TRAPPC11: variants seen among roughly 807,000 people sequenced by gnomAD.
TRAPPC11 encodes the protein foie gras homolog.
A neutral mutation model predicts 151.2 loss-of-function variants in TRAPPC11; 104 were observed. That is an observed-to-expected ratio of 0.69 (90% CI 0.59 to 0.81). The LOEUF (loss-of-function observed/expected upper bound fraction) is 0.81, where lower values mean the gene tolerates loss of function less well. TRAPPC11 is among the 30% of genes least tolerant of loss of function. TRAPPC11 has a pLI of 0.00. For synonymous variants in TRAPPC11, 456 were observed against 472.3 expected (o/e 0.97, Z 0.45); for missense variants, 1,230 against 1,349.6 (o/e 0.91, Z 1.39).
At chr4:183,698,015 C>T (rs1736631054) in intron 25 of TRAPPC11, among the ~76,000 whole-genome samples, 180 bp downstream of exon 25, 1 of 152,136 alleles carries the variant, frequency 6.6e-6, no homozygotes, top group Non-Finnish European at 1.5e-5. Flanking sequence ...TTTATAATAC[C>T]ATTTGCTTGA....
At chr4:183,696,034 C>T (rs565126805) in intron 23 of TRAPPC11, among the ~76,000 whole-genome samples, 1 of 152,234 alleles carries the variant, frequency 6.6e-6, no homozygotes, top group African/African-American at 2.4e-5. Context: ...CAAAACGTTC[C>T]AAAATCTTTT....
chr4:183,690,173 G>A (rs1034802066), intron 18 of TRAPPC11, among the ~76,000 whole-genome samples: 16 of 151,728 alleles, frequency 1.1e-4, no homozygotes, highest in African/African-American at 3.2e-4. Flanking sequence ...TCTAGTGGGC[G>A]ATGGAGTGAG....
intron 7 of TRAPPC11, among the ~76,000 whole-genome samples, chr4:183,676,038 G>A (rs910940660): frequency 2.0e-5 from 3 of 152,076 alleles, no homozygotes; most frequent in Admixed American, 1.3e-4. Flanking sequence ...ATTATTCACA[G>A]GAATATTGCA....
Position 183,706,873 on chromosome 4 carries a change from A to C in TRAPPC11, c.3122A>C (p.Asp1041Ala). Residue 1041 changes from aspartate to alanine, a missense_variant, in exon 28 of 30, where the codon GAC becomes GCC. By Grantham distance (126) the Asp-to-Ala change is moderately radical. Coordinates refer to ENST00000334690, the MANE Select transcript of TRAPPC11 (RefSeq NM_021942.6). ...AAGTATCACCTACAGAATAAGACCG[A>C]CTTAGTTCAAGATGTAGAAATTTCT... ...PVKYHLQNKT[D>A]LVQDVEISVE... 6.2e-7 allele frequency: 1 copy of C among 1,614,144 alleles called. No homozygotes were observed. The highest frequency in any genetic ancestry group is 1.1e-5 in the South Asian group (1 of 91,084).
intron 17 of TRAPPC11, among the ~76,000 whole-genome samples, chr4:183,685,612 T>C (rs1465643822): frequency 6.6e-6 from 1 of 152,164 alleles, no homozygotes; most frequent in Non-Finnish European, 1.5e-5. Flanking sequence ...AAAATACACT[T>C]TGCTCATTTG....
chr4:183,706,945 A>C lies in TRAPPC11; in HGVS notation c.3189+5A>C. On this transcript the variant is annotated splice_donor_5th_base_variant and intron_variant, in intron 28 of 29. Transcript: ENST00000334690. The stretch of plus-strand genomic sequence containing the variant: ...ATGTTCTCAGGTCTCAAACAGGTAC[A>C]GGTCATATCTTGTGATGCTTATGTT... 2 of 1,613,498 alleles carry C rather than the reference A, an allele frequency of 1.2e-6. No homozygotes were observed. The highest frequency in any genetic ancestry group is 1.7e-6 in the Non-Finnish European group (2 of 1,179,780).
intron 10 of TRAPPC11, 124 bp downstream of exon 10, chr4:183,680,391 A>G (rs1251511226): frequency 1.8e-6 from 2 of 1,083,266 alleles, no homozygotes; most frequent in Non-Finnish European, 2.5e-6. Context: ...TTTATTTTTT[A>G]TAGCTTTAGG....
Position 183,684,847 on chromosome 4 carries a change from C to G in TRAPPC11, c.1567+6C>G. The G allele has an allele frequency of 2.5e-6, 4 of 1,605,926 alleles. No homozygotes were observed. The highest frequency in any genetic ancestry group is 2.5e-6 in the Non-Finnish European group (3 of 1,177,402). Reference sequence around the variant, plus strand: ...CCTAGAACTCCTTGGTAGAGGTAACCTGATGTTTTTTGAGTAAAATTCTTG... The same window carrying G: ...CCTAGAACTCCTTGGTAGAGGTAACGTGATGTTTTTTGAGTAAAATTCTTG... On this transcript the variant is annotated splice_donor_region_variant and intron_variant, in intron 15 of 29. Coordinates refer to ENST00000334690, the MANE Select transcript of TRAPPC11 (RefSeq NM_021942.6).
At chr4:183,679,819 A>G (rs1735586807) in intron 9 of TRAPPC11, among the ~76,000 whole-genome samples, 6 of 152,230 alleles carry the variant, frequency 3.9e-5, no homozygotes. Flanking sequence ...AATTGCTAAA[A>G]TGAAATTGTT....
chr4:183,664,145 T>C, intron 2 of TRAPPC11, 74 bp downstream of exon 2: 1 of 1,372,470 alleles, frequency 7.3e-7, no homozygotes. Flanking sequence ...TTTTGTTCTG[T>C]TGTGTGTGTG....
intron 14 of TRAPPC11, 84 bp downstream of exon 14, chr4:183,684,443 C>T (rs756741725): frequency 1.2e-5 from 16 of 1,283,092 alleles, no homozygotes; most frequent in South Asian, 2.6e-5. Context: ...TGAAGGAGTT[C>T]GTATTTTCAT....
intron 8 of TRAPPC11, 133 bp downstream of exon 8, chr4:183,677,687 T>A: frequency 1.6e-6 from 1 of 608,292 alleles, no homozygotes; most frequent in Non-Finnish European, 2.9e-6. Context: ...CCCTTTTATA[T>A]CCTTTTTCTC....
At chr4:183,701,574 TA>T in intron 25 of TRAPPC11, 122 bp from the exon 26 acceptor site, 1 of 665,910 alleles carries the variant, frequency 1.5e-6, no homozygotes, top group Non-Finnish European at 2.6e-6. Flanking sequence ...CCCTACTTTC[TA>T]AGTCTCTACA....
chr4:183,696,400 TA>T (rs1418738733), intron 23 of TRAPPC11, among the ~76,000 whole-genome samples: 6 of 152,204 alleles, frequency 3.9e-5, no homozygotes, highest in African/African-American at 1.4e-4. Context: ...TTCTTTCTTT[TA>T]TTTTTTTATT....
At chr4:183,694,513 A>C in intron 22 of TRAPPC11, 91 bp from the exon 23 acceptor site, 1 of 1,314,564 alleles carries the variant, frequency 7.6e-7, no homozygotes, top group East Asian at 2.5e-5. Flanking sequence ...GGTATAAATA[A>C]ACTCTAGAAG....
chr4:183,660,750 G>A (rs1734441961), intron 1 of TRAPPC11, among the ~76,000 whole-genome samples: 1 of 152,204 alleles, frequency 6.6e-6, no homozygotes, highest in African/African-American at 2.4e-5. Flanking sequence ...GTCTTGCTCT[G>A]TTGCCCAGGC....
At position 183,682,773 on chromosome 4, in the gene TRAPPC11, A is replaced by G. The variant is rs1735761720; in HGVS notation, c.1155A>G (p.Gln385=). 1.2e-6 allele frequency: 2 copies of G among 1,613,958 alleles called. No individual in the cohort carries two copies. Among genetic ancestry groups the G allele is most frequent in the Non-Finnish European group, 1.7e-6 (2 of 1,179,874 alleles). Residue 385 remains glutamine (Q), a synonymous_variant, in exon 11 of 30, where the codon CAA becomes CAG. Transcript: ENST00000334690. ...MYPNPDPLET[Q]TGVLDFYGQR... ...CCAATCCTGATCCCTTAGAAACACA[A>G]ACAGGCGTTCTTGACTTTTATGGAC... is the stretch of plus-strand genomic sequence containing the variant.
intron 6 of TRAPPC11, 22 bp from the exon 7 acceptor site, chr4:183,675,142 T>C (rs201720080): frequency 1.5e-6 from 2 of 1,320,922 alleles, no homozygotes; most frequent in African/African-American, 1.5e-5. Context: ...TGTATAATAG[T>C]AATTTTTTTG....
In TRAPPC11 at chr4:183,693,931, T is replaced by G. The variant is rs1736393382; in HGVS notation, c.2401T>G (p.Leu801Val). The change falls in exon 22 of 30, where the codon TTA (leucine) becomes GTA (valine). Residue 801 changes from leucine (L) to valine (V), a missense_variant. Leu to Val is a conservative substitution (Grantham distance 32, BLOSUM62 1). Coordinates refer to ENST00000334690, the MANE Select transcript of TRAPPC11 (RefSeq NM_021942.6). ...AGLKPGQDAN[L>V]TQKTHVTLHG... ...AACTCTTTTAGGACAGGATGCCAAT[T>G]TAACTCAGAAGACTCACGTGACTCT... The G allele has an allele frequency of 6.2e-7, 1 of 1,613,500 alleles. No individual in the cohort carries two copies. The highest frequency in any genetic ancestry group is 1.3e-5 in the African/African-American group (1 of 75,028).
Sources: gnomAD v4.1 joint callset for allele counts (sites outside exome capture counted in the v4.1 genomes callset) on GRCh38, gnomAD v4.1.1 for gene constraint, MANE v1.5 for transcripts, NCBI Gene and HGNC (gene_info 2026-07-23, HGNC 2026-07-21) for gene names.